MACO1: variants seen among roughly 807,000 people sequenced by gnomAD.
MACO1 encodes the protein macoilin 1, also known as macoilin.
A neutral mutation model predicts 78.7 loss-of-function variants in MACO1; 14 were observed. The ratio of observed to expected loss-of-function variants is 0.18; its 90% confidence interval spans 0.12 to 0.28. The LOEUF (loss-of-function observed/expected upper bound fraction) is 0.28. Among genes scored for constraint, MACO1 ranks in the 10% least tolerant of loss-of-function variants. The pLI is 1.00. For missense variants in MACO1, 501 were observed against 799.0 expected (o/e 0.63, Z 4.50); for synonymous variants, 288 against 291.6 (o/e 0.99, Z 0.12).
At chr1:25,480,272 G>T (rs1348123766) in intron 6 of MACO1, among the ~76,000 whole-genome samples, 2 of 152,186 alleles carry the variant, frequency 1.3e-5, no homozygotes, top group East Asian at 1.9e-4. Context: ...TAGCCATTGG[G>T]CAGTGTTCTT....
intron 1 of MACO1, among the ~76,000 whole-genome samples, chr1:25,441,503 G>GA (rs1285281877): frequency 1.3e-5 from 2 of 151,986 alleles, no homozygotes; most frequent in Admixed American, 1.3e-4. Flanking sequence ...TATTTTTTGA[G>GA]AAAAAAAATA....
chr1:25,456,882 T>C (rs2043126550), intron 5 of MACO1, 51 bp downstream of exon 5: 1 of 1,525,880 alleles, frequency 6.6e-7, no homozygotes, highest in Non-Finnish European at 8.8e-7. Flanking sequence ...CATTATTTTG[T>C]CTCTTGGTAG....
chr1:25,446,293 G>C (rs1272991883), intron 1 of MACO1, among the ~76,000 whole-genome samples: 2 of 152,176 alleles, frequency 1.3e-5, no homozygotes, highest in African/African-American at 4.8e-5. Context: ...GGGAAAAAAA[G>C]ACAGAATTCT....
chr1:25,459,147 T>C (rs560477180), intron 6 of MACO1, among the ~76,000 whole-genome samples: 20 of 152,360 alleles, frequency 1.3e-4, no homozygotes, highest in African/African-American at 4.8e-4. Flanking sequence ...ACTTGATTCT[T>C]CTAGTCGTGT....
chr1:25,445,459 T>C (rs2043007724), intron 1 of MACO1, among the ~76,000 whole-genome samples: 1 of 152,202 alleles, frequency 6.6e-6, no homozygotes. Context: ...GAATACTGTA[T>C]CATTGAGGGT....
intron 6 of MACO1, 138 bp downstream of exon 6, chr1:25,459,030 G>T (rs2043148575): frequency 3.6e-6 from 4 of 1,095,896 alleles, no homozygotes; most frequent in Admixed American, 2.7e-5. Flanking sequence ...ACATGAGTTT[G>T]TTGGCCACCT....
At chr1:25,479,458 G>A (rs748910895) in intron 6 of MACO1, among the ~76,000 whole-genome samples, 1 of 151,944 alleles carries the variant, frequency 6.6e-6, no homozygotes, top group Non-Finnish European at 1.5e-5. Context: ...CTGTCGCCCA[G>A]ACTGGAGTGC....
At chr1:25,442,301 G>T (rs2042979741) in intron 1 of MACO1, among the ~76,000 whole-genome samples, 1 of 152,178 alleles carries the variant, frequency 6.6e-6, no homozygotes, top group Non-Finnish European at 1.5e-5. Flanking sequence ...AAGCAGTTTG[G>T]TCTAGGAAGT....
In MACO1 at chr1:25,458,899, G is replaced by A. The variant is rs748386743; in HGVS notation, c.1154+7G>A. ...AACCAGACGCACTGGTCAGGTAAGT[G>A]CACATGCTGCATCCTTACTAACACT... On this transcript the variant is annotated splice_region_variant and intron_variant, in intron 6 of 10. Coordinates refer to ENST00000374343, the MANE Select transcript of MACO1 (RefSeq NM_018202.6). The A allele has an allele frequency of 1.2e-6, 2 of 1,605,526 alleles. No homozygotes were observed. The highest frequency in any genetic ancestry group is 1.3e-5 in the African/African-American group (1 of 74,650).
intron 10 of MACO1, among the ~76,000 whole-genome samples, chr1:25,494,221 G>A (rs1405174212): frequency 6.6e-6 from 1 of 152,188 alleles, no homozygotes; most frequent in Non-Finnish European, 1.5e-5. Context: ...GACCTAGGGT[G>A]AGCCCAGCAA....
chr1:25,472,893 A>G (rs1194434808), intron 6 of MACO1, among the ~76,000 whole-genome samples: 1 of 152,244 alleles, frequency 6.6e-6, no homozygotes, highest in Non-Finnish European at 1.5e-5. Context: ...AAATTATAAT[A>G]AAAATGTATG....
At chr1:25,489,374 A>G in intron 9 of MACO1, 81 bp downstream of exon 9, 3 of 1,498,524 alleles carry the variant, frequency 2.0e-6, no homozygotes, top group Non-Finnish European at 2.7e-6. Context: ...CAGTGTAGAG[A>G]TGATGCCTTT....
intron 1 of MACO1, among the ~76,000 whole-genome samples, chr1:25,444,258 TTAAATAAA>T (rs914203310): frequency 2.6e-4 from 40 of 151,664 alleles, no homozygotes; most frequent in African/African-American, 7.8e-4. Flanking sequence ...AACTCAGTCT[TTAAATAAA>T]TAAATAAATA....
intron 10 of MACO1, among the ~76,000 whole-genome samples, chr1:25,495,193 CCT>C (rs2043524373): frequency 2.6e-5 from 4 of 152,132 alleles, no homozygotes; most frequent in Admixed American, 1.3e-4. Flanking sequence ...AAAGATTCCC[CCT>C]GGCGTGAAGC....
At chr1:25,467,309 G>T (rs537795066) in intron 6 of MACO1, among the ~76,000 whole-genome samples, 1 of 152,074 alleles carries the variant, frequency 6.6e-6, no homozygotes, top group Non-Finnish European at 1.5e-5. Context: ...AGCAGGGTGC[G>T]ACACCTGAAC....
intron 1 of MACO1, among the ~76,000 whole-genome samples, chr1:25,434,872 G>C (rs906436939): frequency 1.3e-5 from 2 of 152,044 alleles, no homozygotes; most frequent in Non-Finnish European, 2.9e-5. Context: ...TGATTTTCCA[G>C]GTGAGGTGAG....
intron 6 of MACO1, among the ~76,000 whole-genome samples, chr1:25,469,170 CAAGTACT>C (rs2043245458): frequency 6.6e-6 from 1 of 152,086 alleles, no homozygotes. Context: ...TACTCATATT[CAAGTACT>C]AATTTAAATT....
At chr1:25,468,872 G>A (rs1304824751) in intron 6 of MACO1, among the ~76,000 whole-genome samples, 1 of 152,048 alleles carries the variant, frequency 6.6e-6, no homozygotes, top group Admixed American at 6.6e-5. Context: ...TTTTGGAGAC[G>A]GAGTCTCACT....
chr1:25,454,414 G>GTT, intron 4 of MACO1, 32 bp downstream of exon 4: 1 of 1,423,510 alleles, frequency 7.0e-7, no homozygotes, highest in Middle Eastern at 1.9e-4. Flanking sequence ...GTGTGTGTGT[G>GTT]TGTATATGTG....
Sources: allele counts gnomAD v4.1 joint callset (sites outside exome capture counted in the v4.1 genomes callset), GRCh38; gene constraint gnomAD v4.1.1; transcripts MANE v1.5; gene names NCBI Gene and HGNC (gene_info 2026-07-23, HGNC 2026-07-21).